FAM53B: variants seen among roughly 807,000 people sequenced by gnomAD.
FAM53B encodes the protein protein FAM53B.
Under a neutral mutation model 32.7 loss-of-function variants are expected in FAM53B, and 12 were observed. The observed-to-expected ratio is 0.37, with a 90% CI of 0.24 to 0.59. The LOEUF is 0.59. Ranked by LOEUF, FAM53B falls within the 20% of genes least tolerant of loss-of-function variation. The pLI, the probability that FAM53B is intolerant of heterozygous loss-of-function variation, is 0.72. For synonymous variants in FAM53B, 234 were observed against 228.7 expected (o/e 1.02, Z -0.21); for missense variants, 477 against 577.7 (o/e 0.83, Z 1.79).
At position 124,656,945 on chromosome 10, in the gene FAM53B, G is replaced by A. The variant is rs544464116; in HGVS notation, c.906+24662C>T. The stretch of plus-strand genomic sequence containing the variant: ...AGGAGATATACCTAATGTAAATGAC[G>A]AGTTAATGGGTACAGCACACCAACA... On this transcript the variant is annotated intron_variant, in intron 4 of 4. Coordinates refer to ENST00000337318, the MANE Select transcript of FAM53B (RefSeq NM_014661.4). Among the ~76,000 whole-genome samples, 28 of 151,712 alleles carry A rather than the reference G, an allele frequency of 1.8e-4. No individual in the cohort carries two copies. The South Asian group carries it at 4.8e-3, about 26-fold the overall frequency.
rs1242351463 is a variant in FAM53B at position 124,651,632 on chromosome 10, C to A, written c.907-28028G>T. Reference sequence around the variant, plus strand: ...CCTCCGAGACAGTGAGGCCCAGCGGCCTCCTCATTTCCTCCTCAGGGGAGC... The same window carrying A: ...CCTCCGAGACAGTGAGGCCCAGCGGACTCCTCATTTCCTCCTCAGGGGAGC... On this transcript the variant is annotated intron_variant, in intron 4 of 4. Transcript: ENST00000337318. This position sits in a 1 kb window ranked among gnomAD's most constrained non-coding sequence, Gnocchi z 5.2. Among the ~76,000 whole-genome samples, 1 of 152,130 alleles carries A rather than the reference C, an allele frequency of 6.6e-6. No homozygotes were observed. Among genetic ancestry groups the A allele is most frequent in the African/African-American group, 2.4e-5 (1 of 41,420 alleles).
chr10:124,740,273 GC>G (rs1950192984), intron 1 of FAM53B, among the ~76,000 whole-genome samples: 1 of 152,104 alleles, frequency 6.6e-6, no homozygotes, highest in Non-Finnish European at 1.5e-5. Flanking sequence ...CCCAAATCTT[GC>G]CCCAAAACGC....
intron 4 of FAM53B, among the ~76,000 whole-genome samples, chr10:124,634,683 AAG>A (rs745995723): frequency 3.9e-5 from 6 of 152,188 alleles, no homozygotes; most frequent in Non-Finnish European, 8.8e-5. Flanking sequence ...ACCCAGTCTC[AAG>A]TATTTCCTTA....
At chr10:124,740,752 A>G (rs2683593) in intron 1 of FAM53B, among the ~76,000 whole-genome samples, 143,716 of 152,310 alleles carry the variant, frequency 0.94, 68,354 homozygotes, top group Non-Finnish European at 1. Flanking sequence ...GACATTTCAG[A>G]AAGGAGTTGA....
rs1484729296 is a variant in FAM53B, at chr10:124,722,705, T to TTG, written c.-174-15820_-174-15819dup. On this transcript the variant is annotated intron_variant, in intron 1 of 4. Transcript: ENST00000337318. Reference sequence around the variant, plus strand: ...AAATACTGTATTTTTATACACACATTTGTGTGTGTATATATCTGCATATTC... The same window carrying TTG: ...AAATACTGTATTTTTATACACACATTTGTGTGTGTGTATATATCTGCATATTC... 6.6e-5 allele frequency among the ~76,000 whole-genome samples: 10 copies of TTG among 152,262 alleles called. No individual in the cohort carries two copies. The East Asian group carries it at 1.9e-3, about 29-fold the overall frequency.
intron 4 of FAM53B, among the ~76,000 whole-genome samples, chr10:124,656,056 G>A (rs1241792185): frequency 1.3e-5 from 2 of 152,188 alleles, no homozygotes; most frequent in African/African-American, 4.8e-5. Flanking sequence ...GTACCAGCAC[G>A]GTACCCAGCA....
chr10:124,695,002 C>A (rs1216362905), intron 3 of FAM53B, among the ~76,000 whole-genome samples: 1 of 152,224 alleles, frequency 6.6e-6, no homozygotes, highest in African/African-American at 2.4e-5. Flanking sequence ...AATGATGCCA[C>A]TGGCAGAGCC....
At chr10:124,687,267 A>G (rs1419066270) in intron 3 of FAM53B, among the ~76,000 whole-genome samples, 1 of 152,138 alleles carries the variant, frequency 6.6e-6, no homozygotes, top group African/African-American at 2.4e-5. Context: ...GCCTCCGAGA[A>G]GAGGATACAG....
rs147632970 is a variant in FAM53B, at chr10:124,716,842, T to TC, written c.-174-9956dup. Among the ~76,000 whole-genome samples, 939 of 151,328 alleles carry TC rather than the reference T, an allele frequency of 6.2e-3. 35 individuals are homozygous for TC. In the East Asian group the frequency reaches 0.091, roughly 15 times the overall value. ...CACAGAGCTAGATGCCGCCTTCTGC[T>TC]CCAAACCGGGGGAAGGGAAAGAATG... On this transcript the variant is annotated intron_variant, in intron 1 of 4. Coordinates refer to ENST00000337318, the MANE Select transcript of FAM53B (RefSeq NM_014661.4).
At chr10:124,700,165 G>C (rs1248109901) in intron 2 of FAM53B, among the ~76,000 whole-genome samples, 1 of 152,216 alleles carries the variant, frequency 6.6e-6, no homozygotes, top group Admixed American at 6.5e-5. Flanking sequence ...CCGCTGGCAG[G>C]TTTCCCTGGT....
intron 4 of FAM53B, among the ~76,000 whole-genome samples, chr10:124,670,633 G>A (rs924945616): frequency 6.6e-6 from 1 of 152,172 alleles, no homozygotes; most frequent in African/African-American, 2.4e-5. Context: ...CACCTCTGGG[G>A]CTTGCCTTCC....
intron 4 of FAM53B, among the ~76,000 whole-genome samples, chr10:124,676,190 CT>C (rs1337938258): frequency 6.6e-6 from 1 of 152,150 alleles, no homozygotes; most frequent in African/African-American, 2.4e-5. Flanking sequence ...AAGTTTTTGC[CT>C]TTACTTGTAT....
At position 124,663,675 on chromosome 10, in the gene FAM53B, G is replaced by A. The variant is rs530750091; in HGVS notation, c.906+17932C>T. On this transcript the variant is annotated intron_variant, in intron 4 of 4. Coordinates refer to ENST00000337318, the MANE Select transcript of FAM53B (RefSeq NM_014661.4). ...CATCGTGCTGCCAGGTGATGTCTTC[G>A]TGCCGGAAGGTGAACTGCACTCTGG... Among the ~76,000 whole-genome samples the A allele has an allele frequency of 1.3e-5, 2 of 152,242 alleles. 1 individual carries two copies. Among genetic ancestry groups the A allele is most frequent in the African/African-American group, 4.8e-5 (2 of 41,550 alleles).
chr10:124,657,114 G>A (rs56368036), intron 4 of FAM53B, among the ~76,000 whole-genome samples: 47,584 of 133,404 alleles, frequency 0.36, 9,816 homozygotes, highest in Non-Finnish European at 0.45. Flanking sequence ...ATATATGTGT[G>A]TGTGTATATA....
At chr10:124,673,289 C>T (rs1358927114) in intron 4 of FAM53B, among the ~76,000 whole-genome samples, 1 of 152,180 alleles carries the variant, frequency 6.6e-6, no homozygotes, top group African/African-American at 2.4e-5. Flanking sequence ...GCTTAAAACC[C>T]TCTAATGCTT....
At chr10:124,703,013 G>A (rs545394273) in intron 2 of FAM53B, among the ~76,000 whole-genome samples, 9 of 152,096 alleles carry the variant, frequency 5.9e-5, no homozygotes, top group East Asian at 1.9e-4. Context: ...TGGAAGCTTC[G>A]TGAGGCCTTA....
At chr10:124,639,864 C>T (rs1949459224) in intron 4 of FAM53B, among the ~76,000 whole-genome samples, 1 of 152,102 alleles carries the variant, frequency 6.6e-6, no homozygotes, top group Admixed American at 6.5e-5. Context: ...AAGGGACAGG[C>T]TCTGCCAGCC....
intron 1 of FAM53B, among the ~76,000 whole-genome samples, chr10:124,729,427 A>G (rs911766156): frequency 6.6e-6 from 1 of 152,168 alleles, no homozygotes; most frequent in Non-Finnish European, 1.5e-5. Flanking sequence ...GACCTCTTAA[A>G]CACAACTTCC....
intron 1 of FAM53B, among the ~76,000 whole-genome samples, chr10:124,724,260 T>C (rs1029812124): frequency 6.6e-6 from 1 of 152,164 alleles, no homozygotes; most frequent in Admixed American, 6.5e-5. Flanking sequence ...CTAAATGACA[T>C]GTCTGACACT....
Sources: allele counts gnomAD v4.1 joint callset (sites outside exome capture counted in the v4.1 genomes callset), GRCh38; gene constraint gnomAD v4.1.1; non-coding constraint Gnocchi (gnomAD v3.1); transcripts MANE v1.5; gene names NCBI Gene and HGNC (gene_info 2026-07-23, HGNC 2026-07-21).